Variants in PINX1 observed in about 807,000 individuals in gnomAD.
The protein encoded by PINX1 is PIN2 (TERF1) interacting telomerase inhibitor 1, also known as PIN2/TERF1-interacting telomerase inhibitor 1.
Under a neutral mutation model 25.4 loss-of-function variants are expected in PINX1, and 34 were observed. The observed-to-expected ratio is 1.34, with a 90% CI of 1.02 to 1.78. PINX1 has a LOEUF of 1.78. PINX1 is among the 40% of genes most tolerant of loss of function. The pLI is 0.00. For synonymous variants in PINX1, 197 were observed against 147.7 expected (o/e 1.33, Z -2.42); for missense variants, 592 against 404.9 (o/e 1.46, Z -3.97).
intron 6 of PINX1, among the ~76,000 whole-genome samples, chr8:10,802,997 A>G (rs1228728697): frequency 6.6e-6 from 1 of 152,220 alleles, no homozygotes; most frequent in African/African-American, 2.4e-5. Context: ...TGACCATGAC[A>G]TTGTGAACTT....
chr8:10,813,865 G>A lies in PINX1; in HGVS notation c.471+6328C>T, dbSNP rs555761121. Among the ~76,000 whole-genome samples, 11 of 150,460 alleles carry A rather than the reference G, an allele frequency of 7.3e-5. No individual in the cohort carries two copies. In the South Asian group the frequency reaches 2.3e-3, roughly 32 times the overall value. On this transcript the variant is annotated intron_variant, in intron 6 of 6. Transcript: ENST00000314787. ...AGGCTCAATCCGGAAACAAGCTGGA[G>A]AGAGGAAGGAAACTGGGAAGGTGGG...
intron 6 of PINX1, among the ~76,000 whole-genome samples, chr8:10,811,127 G>A (rs111366071): frequency 6.6e-5 from 10 of 152,316 alleles, no homozygotes; most frequent in Middle Eastern, 3.4e-3. Context: ...GTTCTTCATG[G>A]CTTATTATTT....
intron 5 of PINX1, among the ~76,000 whole-genome samples, chr8:10,823,742 C>G (rs1360695417): frequency 6.6e-6 from 1 of 152,174 alleles, no homozygotes; most frequent in African/African-American, 2.4e-5. Context: ...GCAGGACGAT[C>G]ACTTGAGCCC....
At chr8:10,800,184 T>C (rs1287194443) in intron 6 of PINX1, among the ~76,000 whole-genome samples, 1 of 152,232 alleles carries the variant, frequency 6.6e-6, no homozygotes, top group African/African-American at 2.4e-5. Context: ...TGCAGGAATA[T>C]TACCTAACAA....
At chr8:10,810,200 G>C (rs1725101198) in intron 6 of PINX1, among the ~76,000 whole-genome samples, 1 of 152,270 alleles carries the variant, frequency 6.6e-6, no homozygotes, top group Non-Finnish European at 1.5e-5. Context: ...TTCAACATGG[G>C]GTTTGGAGGG....
At chr8:10,797,592 T>C (rs1021391157) in intron 6 of PINX1, among the ~76,000 whole-genome samples, 4 of 152,138 alleles carry the variant, frequency 2.6e-5, no homozygotes, top group African/African-American at 7.2e-5. Flanking sequence ...TTATTCAAAA[T>C]AAAAAGAGGA....
At chr8:10,778,520 G>C (rs1208867131) in intron 6 of PINX1, among the ~76,000 whole-genome samples, 2 of 152,080 alleles carry the variant, frequency 1.3e-5, no homozygotes, top group Non-Finnish European at 2.9e-5. Flanking sequence ...CTTTCTAACG[G>C]AGCACTTTTC....
At chr8:10,792,258 C>T (rs1010356370) in intron 6 of PINX1, among the ~76,000 whole-genome samples, 1 of 151,998 alleles carries the variant, frequency 6.6e-6, no homozygotes, top group African/African-American at 2.4e-5. Context: ...TTCACGTCCG[C>T]ACCCACTGCT....
chr8:10,833,979 C>T (rs11996727), intron 2 of PINX1, among the ~76,000 whole-genome samples: 85,755 of 151,984 alleles, frequency 0.56, 25,507 homozygotes, highest in African/African-American at 0.72. Context: ...ATTGAATTTA[C>T]AAATCTAGAG....
At chr8:10,772,197 T>C (rs781069653) in intron 6 of PINX1, among the ~76,000 whole-genome samples, 24 of 152,234 alleles carry the variant, frequency 1.6e-4, no homozygotes, top group Non-Finnish European at 2.2e-4. Flanking sequence ...AGCAGCTCAT[T>C]TGGAGAACAG....
chr8:10,806,591 T>G (rs1802460117), intron 6 of PINX1, among the ~76,000 whole-genome samples: 2 of 152,162 alleles, frequency 1.3e-5, no homozygotes, highest in African/African-American at 4.8e-5. Context: ...CTTTCTCCAC[T>G]CCTTTCCTTC....
intron 6 of PINX1, among the ~76,000 whole-genome samples, chr8:10,780,744 T>C (rs1801560261): frequency 6.6e-6 from 1 of 152,218 alleles, no homozygotes; most frequent in Non-Finnish European, 1.5e-5. Context: ...TCCATGCTTA[T>C]GAATTAAAAG....
intron 3 of PINX1, 107 bp from the exon 4 acceptor site, chr8:10,831,850 T>C (rs1277547876): frequency 3.0e-6 from 2 of 669,076 alleles, no homozygotes; most frequent in South Asian, 3.5e-5. Context: ...TTAAGAAATT[T>C]TAAATGTTCC....
At chr8:10,787,781 G>C in intron 6 of PINX1, 1 of 455,232 alleles carries the variant, frequency 2.2e-6, no homozygotes, top group Non-Finnish European at 4.4e-6. Flanking sequence ...TCAGGACATG[G>C]GAAATTCTGT....
At chr8:10,824,556 G>T (rs182301266) in intron 5 of PINX1, among the ~76,000 whole-genome samples, 10 of 152,274 alleles carry the variant, frequency 6.6e-5, no homozygotes, top group East Asian at 3.9e-4. Context: ...GGCACTCAGC[G>T]GTCTCACAGG....
intron 6 of PINX1, among the ~76,000 whole-genome samples, chr8:10,773,422 G>C (rs1344540153): frequency 6.6e-6 from 1 of 152,172 alleles, no homozygotes; most frequent in Non-Finnish European, 1.5e-5. Flanking sequence ...AAAGTGATGT[G>C]ACATCAAAGA....
chr8:10,817,733 C>G (rs892902827), intron 6 of PINX1, among the ~76,000 whole-genome samples: 10 of 152,274 alleles, frequency 6.6e-5, no homozygotes, highest in East Asian at 3.9e-4. Context: ...CCCGCCCAGG[C>G]TTCCTGAGTT....
chr8:10,793,876 A>T (rs1024944915), intron 6 of PINX1, among the ~76,000 whole-genome samples: 4 of 152,204 alleles, frequency 2.6e-5, no homozygotes, highest in African/African-American at 9.7e-5. Flanking sequence ...ACCTGTACAG[A>T]TTTAACTCAA....
In PINX1 at chr8:10,765,756, C is replaced by A. The variant is rs757686682; in HGVS notation, c.632G>T (p.Arg211Met). ...GGCCTCTTTATTTCTTTTCTTCCCCCTTTTACGTTCCACCTGCGTCTCAGA... is the reference window on the plus strand; with the variant it reads ...GGCCTCTTTATTTCTTTTCTTCCCCATTTTACGTTCCACCTGCGTCTCAGA... ...DISETQVERK[R>M]GKKRNKEATG... The change falls in exon 7 of 7, where the codon AGG (arginine) becomes ATG (methionine). Residue 211 changes from arginine (R) to methionine (M), a missense_variant. Transcript: ENST00000314787. 2.5e-6 allele frequency: 4 copies of A among 1,613,978 alleles called. No individual in the cohort carries two copies. Among genetic ancestry groups the A allele is most frequent in the Non-Finnish European group, 3.4e-6 (4 of 1,179,900 alleles).
Sources: gnomAD v4.1 joint callset for allele counts (sites outside exome capture counted in the v4.1 genomes callset) on GRCh38, gnomAD v4.1.1 for gene constraint, MANE v1.5 for transcripts, NCBI Gene and HGNC (gene_info 2026-07-23, HGNC 2026-07-21) for gene names.